The following DIS3L2 variants were observed in gnomAD, a reference collection of about 807,000 sequenced individuals.
DIS3L2 encodes the protein DIS3-like exonuclease 2.
DIS3L2 carries 34 observed loss-of-function variants against 97.5 expected under a neutral mutation model. The ratio of observed to expected loss-of-function variants is 0.35; its 90% confidence interval spans 0.27 to 0.46. The LOEUF is 0.46. Among genes scored for constraint, DIS3L2 ranks in the 20% least tolerant of loss-of-function variants. The pLI is 1.00. For synonymous variants in DIS3L2, 435 were observed against 445.2 expected (o/e 0.98, Z 0.29); for missense variants, 1,038 against 1,146.0 (o/e 0.91, Z 1.36).
chr2:232,089,861 G>A (rs1178739350), intron 6 of DIS3L2, among the ~76,000 whole-genome samples: 3 of 152,132 alleles, frequency 2.0e-5, no homozygotes, highest in Non-Finnish European at 4.4e-5. Context: ...TACTTTGCTG[G>A]CATCCAACCC....
intron 9 of DIS3L2, among the ~76,000 whole-genome samples, chr2:232,196,131 C>T (rs1410882173): frequency 6.6e-6 from 1 of 152,084 alleles, no homozygotes; most frequent in Non-Finnish European, 1.5e-5. Context: ...TATACAGGGT[C>T]TTGCTCTGTC....
chr2:232,195,481 T>G (rs890998215), intron 9 of DIS3L2, among the ~76,000 whole-genome samples: 1 of 147,578 alleles, frequency 6.8e-6, no homozygotes, highest in Non-Finnish European at 1.5e-5. Flanking sequence ...GCTGGTTGGT[T>G]GGGTTGGGGA....
intron 5 of DIS3L2, among the ~76,000 whole-genome samples, chr2:232,054,961 A>T (rs544862689): frequency 1.3e-5 from 2 of 152,318 alleles, no homozygotes; most frequent in African/African-American, 4.8e-5. Context: ...ACTATTCAAA[A>T]CTCAAATAAG....
At position 232,087,737 on chromosome 2, in the gene DIS3L2, T is replaced by G. The variant is rs539762259; in HGVS notation, c.601+16T>G. Reference sequence around the variant, plus strand: ...TCTGAGAAAGGTGAGTACTAGACTATTGTCTTACTTTTTTTTTAAGTACAC... The same window carrying G: ...TCTGAGAAAGGTGAGTACTAGACTAGTGTCTTACTTTTTTTTTAAGTACAC... On this transcript the variant is annotated intron_variant, in intron 6 of 20. Transcript: ENST00000325385. 1 of 1,593,826 alleles carries G rather than the reference T, an allele frequency of 6.3e-7. No homozygotes were observed. Among genetic ancestry groups the G allele is most frequent in the African/African-American group, 1.3e-5 (1 of 74,622 alleles).
intron 9 of DIS3L2, among the ~76,000 whole-genome samples, chr2:232,207,376 A>G (rs561951646): frequency 2.2e-4 from 34 of 152,228 alleles, no homozygotes; most frequent in Non-Finnish European, 3.7e-4. Flanking sequence ...GGCACTTCCT[A>G]TTACCATCAA....
At chr2:232,006,714 G>A (rs1694062024) in intron 1 of DIS3L2, among the ~76,000 whole-genome samples, 1 of 152,132 alleles carries the variant, frequency 6.6e-6, no homozygotes, top group Non-Finnish European at 1.5e-5. Context: ...AGAAACCGAA[G>A]AGGTAAGTGA....
chr2:232,131,293 C>G (rs1698210765), intron 7 of DIS3L2: 1 of 148,042 alleles, frequency 6.8e-6, no homozygotes, highest in Admixed American at 6.8e-5. Context: ...CAGCTGACTT[C>G]TTTTTTTTTT....
rs551365461 is a variant in DIS3L2, at chr2:232,277,911, C to G, written c.1659+14471C>G. On this transcript the variant is annotated intron_variant, in intron 13 of 20. Coordinates refer to ENST00000325385, the MANE Select transcript of DIS3L2 (RefSeq NM_152383.5). The stretch of plus-strand genomic sequence containing the variant: ...TTGGAACAAGTGCTATGTATTTGTA[C>G]ACTTAAACGTAGAAAAGCACAATAA... Among the ~76,000 whole-genome samples the G allele has an allele frequency of 2.0e-5, 3 of 152,270 alleles. No homozygotes were observed. The East Asian group carries it at 5.8e-4, about 29-fold the overall frequency.
chr2:232,089,458 G>A (rs1038969219), intron 6 of DIS3L2, among the ~76,000 whole-genome samples: 2 of 152,100 alleles, frequency 1.3e-5, no homozygotes, highest in Admixed American at 6.5e-5. Flanking sequence ...GTCGAATACT[G>A]TGACATTCCT....
intron 14 of DIS3L2, chr2:232,329,174 G>C (rs1350408866): frequency 1.3e-5 from 2 of 152,450 alleles, no homozygotes; most frequent in Non-Finnish European, 1.5e-5. Flanking sequence ...CTGTCCTCTG[G>C]TGAGGGCTTC....
intron 5 of DIS3L2, among the ~76,000 whole-genome samples, chr2:232,078,831 T>C (rs1180942520): frequency 6.6e-6 from 1 of 152,144 alleles, no homozygotes; most frequent in Non-Finnish European, 1.5e-5. Context: ...ATAAATTGCT[T>C]TGGGACTTCA....
At chr2:231,999,278 A>G (rs1047583732) in intron 1 of DIS3L2, among the ~76,000 whole-genome samples, 2 of 151,996 alleles carry the variant, frequency 1.3e-5, no homozygotes, top group African/African-American at 4.8e-5. Flanking sequence ...CCATTTTTCC[A>G]TTGGTTGCTT....
chr2:231,962,205 TTA>T (rs2106208498), intron 1 of DIS3L2, among the ~76,000 whole-genome samples: 1 of 152,264 alleles, frequency 6.6e-6, no homozygotes, highest in African/African-American at 2.4e-5. Flanking sequence ...AGCCGCTTAA[TTA>T]TAACATGTCC....
downstream of DIS3L2, among the ~76,000 whole-genome samples, chr2:232,339,069 G>A (rs1696053057): frequency 7.2e-5 from 11 of 152,342 alleles, no homozygotes; most frequent in South Asian, 2.3e-3. Context: ...CCTGGACCTA[G>A]GGGGAAGATG....
At chr2:232,033,748 C>G (rs1001737919) in intron 5 of DIS3L2, among the ~76,000 whole-genome samples, 1 of 152,090 alleles carries the variant, frequency 6.6e-6, no homozygotes, top group Admixed American at 6.6e-5. Context: ...GTCATCGGTT[C>G]TGTTTATGTG....
intron 6 of DIS3L2, among the ~76,000 whole-genome samples, chr2:232,105,300 T>C (rs1246906732): frequency 6.6e-6 from 1 of 152,220 alleles, no homozygotes; most frequent in Non-Finnish European, 1.5e-5. Context: ...GGTAATTCTG[T>C]GTTTAGCTTT....
intron 8 of DIS3L2, among the ~76,000 whole-genome samples, chr2:232,142,284 CTG>C (rs1690082419): frequency 6.6e-6 from 1 of 152,138 alleles, no homozygotes; most frequent in Non-Finnish European, 1.5e-5. Flanking sequence ...TTGGAAAAAG[CTG>C]TGTCTTCAAC....
chr2:232,265,946 T>C (rs1156564451), intron 13 of DIS3L2, among the ~76,000 whole-genome samples: 1 of 152,246 alleles, frequency 6.6e-6, no homozygotes, highest in Non-Finnish European at 1.5e-5. Context: ...AATATACATC[T>C]ATATAAATTA....
chr2:232,219,652 CTG>C (rs1310621327), intron 10 of DIS3L2, among the ~76,000 whole-genome samples: 12 of 152,118 alleles, frequency 7.9e-5, no homozygotes, highest in African/African-American at 2.9e-4. Context: ...TACTTCAGCT[CTG>C]TGAATTGGCC....
Sources: allele counts gnomAD v4.1 joint callset (sites outside exome capture counted in the v4.1 genomes callset), GRCh38; gene constraint gnomAD v4.1.1; transcripts MANE v1.5; gene names NCBI Gene and HGNC (gene_info 2026-07-23, HGNC 2026-07-21).